The following EFHD1 variants were observed in gnomAD, a reference collection of about 807,000 sequenced individuals.
EFHD1 encodes EF-hand domain family member D1, also known as EF-hand domain-containing protein D1.
Under a neutral mutation model 17.2 loss-of-function variants are expected in EFHD1, and 10 were observed. That is an observed-to-expected ratio of 0.58 (90% CI 0.36 to 0.99). The LOEUF (loss-of-function observed/expected upper bound fraction) is 0.99, where lower values mean the gene tolerates loss of function less well. Ranked by LOEUF, EFHD1 falls within the 50% of genes least tolerant of loss-of-function variation. The pLI, the probability that EFHD1 is intolerant of heterozygous loss-of-function variation, is 0.01. For synonymous variants in EFHD1, 153 were observed against 142.0 expected (o/e 1.08, Z -0.55); for missense variants, 310 against 327.5 (o/e 0.95, Z 0.41).
At chr2:232,631,699 A>AAAAC (rs1553596997), upstream of EFHD1, among the ~76,000 whole-genome samples, 1 of 140,332 alleles carries the variant, frequency 7.1e-6, no homozygotes, top group Non-Finnish European at 1.5e-5. Context: ...ATTAAAAAAA[A>AAAAC]AAAAAAACAA....
At chr2:232,607,480 G>C (rs899000036) in intron 1 of EFHD1, among the ~76,000 whole-genome samples, 28 of 150,552 alleles carry the variant, frequency 1.9e-4, no homozygotes, top group African/African-American at 6.1e-4. Context: ...TGTTACCCCA[G>C]ATACTCGGGA....
rs71398729 is a variant in EFHD1, at chr2:232,646,436, CTTTTTTTTTTT to C, written c.302+12446_302+12456del. ...TCTCTCTTTTCTCTTCTCTTCTCTT[CTTTTTTTTTTT>C]TTTTTTTTTTTTTTTGAGACAGTGT... On this transcript the variant is annotated intron_variant, in intron 1 of 3. Transcript: ENST00000264059. 2.4e-3 allele frequency among the ~76,000 whole-genome samples: 162 copies of C among 67,198 alleles called. 1 individual carries two copies. In the South Asian group the frequency reaches 0.032, roughly 13 times the overall value. 44.1% of individuals were successfully genotyped at this position (67,198 alleles called of 152,430 possible). A position where few individuals can be genotyped will look rare whatever the true frequency, so the allele number is the denominator to read the frequency against.
At chr2:232,662,268 T>C (rs1694885260) in intron 1 of EFHD1, among the ~76,000 whole-genome samples, 1 of 151,934 alleles carries the variant, frequency 6.6e-6, no homozygotes, top group African/African-American at 2.4e-5. Context: ...CAGAGGGGAA[T>C]CATGAGCCAG....
At chr2:232,629,521 T>A (rs991435686), upstream of EFHD1, among the ~76,000 whole-genome samples, 1 of 152,126 alleles carries the variant, frequency 6.6e-6, no homozygotes, top group African/African-American at 2.4e-5. Context: ...CAGGCTGGAG[T>A]GCAGTGGTGC....
intron 1 of EFHD1, among the ~76,000 whole-genome samples, chr2:232,613,915 C>T (rs1693866503): frequency 6.6e-6 from 1 of 151,668 alleles, no homozygotes; most frequent in African/African-American, 2.4e-5. Flanking sequence ...AATATACACA[C>T]ACAAATATAT....
chr2:232,623,673 CAAAAAAAAAAAA>C (rs756932393), intron 1 of EFHD1, among the ~76,000 whole-genome samples: 1 of 86,642 alleles, frequency 1.2e-5, no homozygotes, highest in South Asian at 5.4e-4. Flanking sequence ...AGTCTCTGTC[CAAAAAAAAAAAA>C]AAAAAAAAAG....
chr2:232,617,543 A>G (rs1186187228), intron 1 of EFHD1, among the ~76,000 whole-genome samples: 2 of 151,302 alleles, frequency 1.3e-5, no homozygotes, highest in Non-Finnish European at 2.9e-5. Flanking sequence ...AGTCCCAGCT[A>G]TTCGGGAGGC....
intron 1 of EFHD1, among the ~76,000 whole-genome samples, chr2:232,652,712 C>G (rs1429337345): frequency 4.6e-5 from 7 of 152,112 alleles, no homozygotes; most frequent in Admixed American, 4.6e-4. Flanking sequence ...TTAGTTACTA[C>G]ATGTTTGGAA....
chr2:232,669,080 A>G (rs1695019480), intron 2 of EFHD1, among the ~76,000 whole-genome samples: 1 of 152,190 alleles, frequency 6.6e-6, no homozygotes, highest in Non-Finnish European at 1.5e-5. Context: ...CGGAGCGACC[A>G]GTATGTCAGT....
chr2:232,613,596 G>C (rs868351151), intron 1 of EFHD1, among the ~76,000 whole-genome samples: 17 of 138,662 alleles, frequency 1.2e-4, no homozygotes, highest in African/African-American at 4.6e-4. Context: ...CAGGGACAAA[G>C]AGGAACCACA....
intron 1 of EFHD1, among the ~76,000 whole-genome samples, chr2:232,620,199 T>C (rs973244724): frequency 2.7e-5 from 4 of 150,136 alleles, no homozygotes; most frequent in African/African-American, 9.8e-5. Flanking sequence ...CCATCCTGGC[T>C]AACACAGTGA....
At chr2:232,676,070 G>A (rs1342461957) in intron 3 of EFHD1, among the ~76,000 whole-genome samples, 1 of 152,122 alleles carries the variant, frequency 6.6e-6, no homozygotes, top group Non-Finnish European at 1.5e-5. Context: ...CAGCTACTCA[G>A]GAGGCTGAGG....
intron 1 of EFHD1, among the ~76,000 whole-genome samples, chr2:232,614,100 C>CACAT: frequency 1.4e-5 from 1 of 72,150 alleles, no homozygotes; most frequent in Non-Finnish European, 3.4e-5. Flanking sequence ...CACACATACA[C>CACAT]ATGTATTATA....
intron 1 of EFHD1, 146 bp downstream of exon 1, chr2:232,634,152 C>T (rs915271608): frequency 1.4e-6 from 2 of 1,432,232 alleles, no homozygotes; most frequent in African/African-American, 3.0e-5. Context: ...ATCTTGCGTG[C>T]TCGGGTCTAT....
intron 1 of EFHD1, among the ~76,000 whole-genome samples, chr2:232,627,079 T>TAA (rs1553596268): frequency 1.5e-5 from 2 of 132,942 alleles, no homozygotes; most frequent in African/African-American, 5.7e-5. Flanking sequence ...TTTTTTTTTT[T>TAA]AATTAGCCAG....
At chr2:232,617,017 A>G (rs1289829572) in intron 1 of EFHD1, among the ~76,000 whole-genome samples, 1 of 152,220 alleles carries the variant, frequency 6.6e-6, no homozygotes, top group Non-Finnish European at 1.5e-5. Flanking sequence ...CTAGAGACAG[A>G]TAATCTACTT....
chr2:232,675,222 GGA>G (rs1695148960), intron 3 of EFHD1, among the ~76,000 whole-genome samples: 1 of 142,142 alleles, frequency 7.0e-6, no homozygotes, highest in African/African-American at 2.6e-5. Flanking sequence ...AAGGAAGGAA[GGA>G]GAAAGAAAGA....
In EFHD1 at chr2:232,633,675, CCGCGTTCCCGCGTCCT is replaced by C. The variant is rs776402818; in HGVS notation, c.-29_-14del. ...GCTCCCTGCGTCCCGTCCCGCGTCC[CCGCGTTCCCGCGTCCT>C]GCGATCCGCCGCCATGGCCAGTGAG... On this transcript the variant is annotated 5_prime_UTR_variant, in exon 1 of 4. Coordinates refer to ENST00000264059, the MANE Select transcript of EFHD1 (RefSeq NM_025202.4). The C allele has an allele frequency of 7.1e-6, 10 of 1,404,646 alleles. No individual in the cohort carries two copies. The South Asian group carries it at 9.3e-5, about 13-fold the overall frequency. The allele number at this position is 1,404,646 out of a possible 1,614,324, so 87.0% of individuals were successfully genotyped here.
chr2:232,649,633 G>A (rs191964452), intron 1 of EFHD1, among the ~76,000 whole-genome samples: 68 of 152,242 alleles, frequency 4.5e-4, no homozygotes, highest in African/African-American at 1.4e-3. Flanking sequence ...CCTCCTCACC[G>A]ATAGCTTACC....
Sources: gnomAD v4.1 joint callset for allele counts (sites outside exome capture counted in the v4.1 genomes callset) on GRCh38, gnomAD v4.1.1 for gene constraint, MANE v1.5 for transcripts, NCBI Gene and HGNC (gene_info 2026-07-23, HGNC 2026-07-21) for gene names.